FRMPD4: variants seen among roughly 807,000 people sequenced by gnomAD.
FRMPD4 encodes the protein FERM and PDZ domain-containing protein 4.
FRMPD4 carries 22 observed loss-of-function variants against 94.1 expected under a neutral mutation model. The observed-to-expected ratio is 0.23, with a 90% CI of 0.17 to 0.33. The LOEUF (loss-of-function observed/expected upper bound fraction) is 0.33, where lower values mean the gene tolerates loss of function less well. Among genes scored for constraint, FRMPD4 ranks in the 10% least tolerant of loss-of-function variants. The pLI is 1.00. For missense variants in FRMPD4, 1,111 were observed against 1,339.9 expected (o/e 0.83, Z 2.67); for synonymous variants, 631 against 548.6 (o/e 1.15, Z -2.10).
chrX:12,583,518 C>T, intron 2 of FRMPD4: 1 of 1,085,816 alleles, frequency 9.2e-7, no homozygotes, highest in Non-Finnish European at 1.3e-6. Context: ...GTGCCGGGAG[C>T]GTTCCCATAT....
chrX:12,363,513 G>A (rs1392111155), intron 1 of FRMPD4, among the ~76,000 whole-genome samples: 1 of 112,177 alleles, frequency 8.9e-6, no homozygotes, highest in African/African-American at 3.2e-5. Flanking sequence ...CTCAGCAGCA[G>A]TGGAGGAAAG....
At chrX:12,549,081 T>C (rs1336792148) in intron 2 of FRMPD4, among the ~76,000 whole-genome samples, 5 of 111,694 alleles carry the variant, frequency 4.5e-5, no homozygotes, top group Non-Finnish European at 9.4e-5. Context: ...AGGGTTCTTA[T>C]GTGCAGAATT....
At chrX:11,889,944 A>C (rs1342922046) in intron 3 of FRMPD4, among the ~76,000 whole-genome samples, 1 of 112,405 alleles carries the variant, frequency 8.9e-6, no homozygotes, top group Non-Finnish European at 1.9e-5. Flanking sequence ...CAAGCTTTCT[A>C]AGGCTTAGGC....
At chrX:12,082,113 G>A (rs1477910336) in intron 3 of FRMPD4, among the ~76,000 whole-genome samples, 3 of 111,668 alleles carry the variant, frequency 2.7e-5, no homozygotes, top group African/African-American at 9.8e-5. Flanking sequence ...GTTTCTCTGT[G>A]GTTGTGTGTA....
intron 1 of FRMPD4, among the ~76,000 whole-genome samples, chrX:12,478,080 A>T (rs57137413): frequency 0.017 from 1,948 of 112,298 alleles, 44 homozygotes; most frequent in African/African-American, 0.059. Context: ...CACCTGGCCC[A>T]GTGGAAACAT....
At position 12,720,690 on chromosome X, in the gene FRMPD4, A is replaced by G. The variant is rs2042221691; in HGVS notation, c.4121A>G (p.Gln1374Arg). The change falls in exon 17 of 17, where the codon CAG becomes CGG. Residue 1374 changes from glutamine to arginine, a missense_variant. Gln to Arg is a conservative substitution (Grantham distance 43). Around this residue, in one of 8 missense-constraint regions of FRMPD4, gnomAD observed 551 missense variants for 591.6 expected, o/e 0.93. Coordinates refer to ENST00000675598, the MANE Select transcript of FRMPD4 (RefSeq NM_001368397.1). ...QDPNDFSQAN[Q>R]AYGEAVSWRP... ...CCTAATGATTTCTCCCAAGCAAATC[A>G]GGCATACGGAGAGGCTGTGAGCTGG... 5.5e-6 allele frequency: 6 copies of G among 1,082,465 alleles called. No individual in the cohort carries two copies. Among genetic ancestry groups the G allele is most frequent in the Non-Finnish European group, 6.0e-6 (5 of 834,844 alleles). 89.2% of individuals were successfully genotyped at this position (1,082,465 alleles called of 1,213,427 possible). A position where few individuals can be genotyped will look rare whatever the true frequency, so the allele number is the denominator to read the frequency against.
chrX:11,953,391 C>A (rs371165715), intron 3 of FRMPD4, among the ~76,000 whole-genome samples: 1 of 111,748 alleles, frequency 8.9e-6, no homozygotes, highest in South Asian at 3.8e-4. Context: ...AAAGATGTCC[C>A]TTTTCAGGAG....
In FRMPD4 at chrX:12,707,584, A is replaced by T. The variant is rs193252383; in HGVS notation, c.1403A>T (p.Asn468Ile). Residue 468 changes from asparagine to isoleucine, a missense_variant, in exon 13 of 17, where the codon AAC becomes ATC. This residue lies in a region of FRMPD4 where 111 missense variants were observed against 160.7 expected (regional missense o/e 0.69). Transcript: ENST00000675598. ...VALLADFSHV[N>I]RIEMFSEEES... is the part of the protein sequence containing the mutation. ...CTTTTAGCCGACTTTAGCCACGTCAACAGGATCGAAATGTTTTCCGAGGAG... is the reference window on the plus strand; with the variant it reads ...CTTTTAGCCGACTTTAGCCACGTCATCAGGATCGAAATGTTTTCCGAGGAG... 1.7e-6 allele frequency: 2 copies of T among 1,211,127 alleles called. No homozygotes were observed. Among genetic ancestry groups the T allele is most frequent in the African/African-American group, 3.5e-5 (2 of 57,939 alleles).
chrX:12,039,853 C>T (rs773791526), intron 3 of FRMPD4, among the ~76,000 whole-genome samples: 1 of 107,635 alleles, frequency 9.3e-6, no homozygotes, highest in Non-Finnish European at 1.9e-5. Flanking sequence ...CCTGTAATTC[C>T]AGCTACTTGG....
At chrX:12,457,729 G>T (rs926137488) in intron 1 of FRMPD4, among the ~76,000 whole-genome samples, 4 of 112,001 alleles carry the variant, frequency 3.6e-5, no homozygotes, top group Non-Finnish European at 7.5e-5. Context: ...CCAGCAAAAT[G>T]CAGTAATGAT....
At chrX:12,418,060 G>T (rs1357415572) in intron 1 of FRMPD4, among the ~76,000 whole-genome samples, 2 of 109,128 alleles carry the variant, frequency 1.8e-5, no homozygotes, top group African/African-American at 6.6e-5. Context: ...GGGTCTACAG[G>T]CTTCACCAGA....
At chrX:12,388,199 A>AACTC (rs1293858253) in intron 1 of FRMPD4, among the ~76,000 whole-genome samples, 1 of 111,594 alleles carries the variant, frequency 9.0e-6, no homozygotes, top group African/African-American at 3.3e-5. Context: ...CATATGTAAA[A>AACTC]ACTCACTGAG....
intron 1 of FRMPD4, among the ~76,000 whole-genome samples, chrX:12,480,333 G>GAAAAAA (rs35074731): frequency 4.4e-4 from 24 of 54,625 alleles, no homozygotes; most frequent in East Asian, 6.7e-4. Flanking sequence ...GAAAAGAAAT[G>GAAAAAA]AAAAAAAAAA....
At chrX:12,376,872 C>T (rs980196313) in intron 1 of FRMPD4, among the ~76,000 whole-genome samples, 1 of 112,623 alleles carries the variant, frequency 8.9e-6, no homozygotes, top group African/African-American at 3.2e-5. Context: ...ATCTGCAGAA[C>T]TGAGCAGAAC....
At chrX:12,095,977 C>T (rs2055197429) in intron 3 of FRMPD4, among the ~76,000 whole-genome samples, 1 of 111,962 alleles carries the variant, frequency 8.9e-6, no homozygotes, top group African/African-American at 3.3e-5. Context: ...GCCTTTCCCT[C>T]TGTAAGATTC....
chrX:12,450,129 T>TA (rs953217410), intron 1 of FRMPD4, among the ~76,000 whole-genome samples: 9 of 108,754 alleles, frequency 8.3e-5, no homozygotes, highest in African/African-American at 1.3e-4. Context: ...AAGGAATGAT[T>TA]AAAAAAAAAT....
intron 9 of FRMPD4, 110 bp from the exon 10 acceptor site, chrX:12,701,764 C>G: frequency 2.4e-6 from 2 of 826,878 alleles, no homozygotes; most frequent in African/African-American, 4.0e-5. Context: ...GCCTCCTTGC[C>G]TGGGAAGTGA....
At chrX:12,208,446 G>A (rs2056718569) in intron 1 of FRMPD4, among the ~76,000 whole-genome samples, 2 of 104,117 alleles carry the variant, frequency 1.9e-5, no homozygotes, top group South Asian at 9.0e-4. Flanking sequence ...AGGGGAGAGA[G>A]AAGAAACCAC....
chrX:12,693,136 C>T (rs906187640), intron 8 of FRMPD4, among the ~76,000 whole-genome samples: 2 of 112,104 alleles, frequency 1.8e-5, no homozygotes, highest in East Asian at 2.8e-4. Flanking sequence ...ACACACACCA[C>T]GGGACTCAAT....
Sources: allele counts gnomAD v4.1 joint callset (sites outside exome capture counted in the v4.1 genomes callset), GRCh38; gene constraint gnomAD v4.1.1; regional missense constraint gnomAD v4.1.1; transcripts MANE v1.5; gene names NCBI Gene and HGNC (gene_info 2026-07-23, HGNC 2026-07-21).